Variants in IVD observed in about 807,000 individuals in gnomAD.
IVD encodes the protein isovaleryl-CoA dehydrogenase.
IVD carries 31 observed loss-of-function variants against 51.3 expected under a neutral mutation model. The observed-to-expected ratio is 0.60, with a 90% CI of 0.45 to 0.81. IVD has a LOEUF of 0.81. Among genes scored for constraint, IVD ranks in the 40% least tolerant of loss-of-function variants. The pLI is 0.00. For missense variants in IVD, 475 were observed against 552.0 expected, an observed-to-expected ratio of 0.86 and a Z score of 1.40; for synonymous variants, 205 against 219.4, an observed-to-expected ratio of 0.93 and a Z score of 0.58.
chr15:40,426,263 C>T (rs565423614), downstream of IVD, among the ~76,000 whole-genome samples: 7 of 151,906 alleles, frequency 4.6e-5, no homozygotes, highest in Non-Finnish European at 8.8e-5. Context: ...CCTGGCCAGA[C>T]GCGGTGGCTT....
At position 40,410,730 on chromosome 15, in the gene IVD, C is replaced by G. The variant is rs752715934; in HGVS notation, c.389C>G (p.Ser130Cys). 4.3e-6 allele frequency: 7 copies of G among 1,614,206 alleles called. No individual in the cohort carries two copies. In the South Asian group the frequency reaches 7.7e-5, roughly 18 times the overall value. The change falls in exon 4 of 12, where the codon TCC becomes TGC. Residue 130 changes from serine to cysteine, a missense_variant. By Grantham distance (112) the Ser-to-Cys change is moderately radical (BLOSUM62 -1). Transcript: ENST00000487418. Reference protein sequence around the residue: ...GAVGLSYGAHSNLCINQLVRN... With the variant: ...GAVGLSYGAHCNLCINQLVRN... The stretch of plus-strand genomic sequence containing the variant: ...GTGGGGCTCAGTTACGGTGCCCACT[C>G]CAACCTCTGCATCAACCAGCTTGTA...
intron 6 of IVD, 47 bp from the exon 7 acceptor site, chr15:40,412,944 C>T (rs1459968171): frequency 6.5e-7 from 1 of 1,530,274 alleles, no homozygotes; most frequent in Middle Eastern, 1.7e-4. Context: ...TACCAGGCCC[C>T]CTTGGGGCTA....
At chr15:40,416,687 A>C (rs1891723234) in intron 11 of IVD, among the ~76,000 whole-genome samples, 1 of 152,076 alleles carries the variant, frequency 6.6e-6, no homozygotes, top group Non-Finnish European at 1.5e-5. Flanking sequence ...ACAGAGCGAG[A>C]GGCTGTCTCA....
At chr15:40,422,976 G>A (rs1227653613), downstream of IVD, among the ~76,000 whole-genome samples, 2 of 151,936 alleles carry the variant, frequency 1.3e-5, no homozygotes, top group East Asian at 1.9e-4. Flanking sequence ...GTGCAGTGGC[G>A]TGATCTCAGC....
intron 1 of IVD, 127 bp from the exon 2 acceptor site, chr15:40,407,509 A>G: frequency 5.2e-6 from 4 of 770,414 alleles, no homozygotes. Flanking sequence ...GGAGGCATAA[A>G]CTACTGAGGC....
chr15:40,421,864 C>T (rs180766759), downstream of IVD, among the ~76,000 whole-genome samples: 16 of 152,300 alleles, frequency 1.1e-4, no homozygotes, highest in East Asian at 3.1e-3. Flanking sequence ...GAGTTGCCCT[C>T]GGTGGAATGG....
Position 40,416,089 on chromosome 15 carries a change from G to A in IVD, c.972G>A (p.Gly324=), listed in dbSNP as rs748522492. The A allele has an allele frequency of 4.3e-6, 7 of 1,614,136 alleles. No individual in the cohort carries two copies. The highest frequency in any genetic ancestry group is 1.7e-6 in the Non-Finnish European group (2 of 1,180,048). ...QKIGHFQLMQ[G]KMADMYTRLM... is the part of the protein sequence containing the mutation. ...CCCTTTGTGCCCAGTTGATGCAGGG[G>A]AAGATGGCTGACATGTACACCCGCC... Residue 324 remains glycine, a synonymous_variant, in exon 10 of 12, where the codon GGG becomes GGA. Transcript: ENST00000487418.
chr15:40,435,833 C>G (rs1253861465), downstream of IVD: 5 of 518,840 alleles, frequency 9.6e-6, no homozygotes, highest in Non-Finnish European at 1.2e-5. Flanking sequence ...CGGCTTAGCC[C>G]CTTCTTGGAA....
At chr15:40,411,181 A>G (rs944946993) in intron 4 of IVD, 79 bp from the exon 5 acceptor site, 3 of 1,357,332 alleles carry the variant, frequency 2.2e-6, no homozygotes, top group South Asian at 1.2e-5. Context: ...TTTAATGTGG[A>G]CAGGAAGAGG....
In IVD at chr15:40,420,151, G is replaced by A. The variant is rs529843170; in HGVS notation, c.*1888G>A. Reference sequence around the variant, plus strand: ...AACACACATGCTGCTGAGTCCGCAGGGGGGGCAGAGCAGAGGACAGCGTGC... The same window carrying A: ...AACACACATGCTGCTGAGTCCGCAGAGGGGGCAGAGCAGAGGACAGCGTGC... On this transcript the variant is annotated 3_prime_UTR_variant, in exon 12 of 12. Coordinates refer to ENST00000487418, the MANE Select transcript of IVD (RefSeq NM_002225.5). 2.3e-6 allele frequency: 2 copies of A among 879,960 alleles called. No homozygotes were observed. Among genetic ancestry groups the A allele is most frequent in the Non-Finnish European group, 2.6e-6 (2 of 776,566 alleles). 54.5% of individuals were successfully genotyped at this position (879,960 alleles called of 1,614,324 possible). A position where few individuals can be genotyped will look rare whatever the true frequency, so the allele number is the denominator to read the frequency against.
intron 3 of IVD, among the ~76,000 whole-genome samples, 176 bp from the exon 4 acceptor site, chr15:40,410,452 C>A (rs1283025232): frequency 6.6e-6 from 1 of 152,242 alleles, no homozygotes; most frequent in African/African-American, 2.4e-5. Flanking sequence ...CAGGCAAAAC[C>A]AGTCCACTGA....
chr15:40,416,143 T>C lies in IVD; in HGVS notation c.1026T>C (p.Asn342=), dbSNP rs1401482066. 7.4e-6 allele frequency: 12 copies of C among 1,614,124 alleles called. No individual in the cohort carries two copies. Among genetic ancestry groups the C allele is most frequent in the South Asian group, 3.3e-5 (3 of 91,092 alleles). Residue 342 remains asparagine (N), a synonymous_variant, in exon 10 of 12, where the codon AAT becomes AAC. Transcript: ENST00000487418. ...RLMACRQYVY[N]VAKACDEGHC... ...TGGCGTGTCGGCAGTATGTCTACAA[T>C]GTCGCCAAGGCCTGCGATGAGGGCC...
At chr15:40,406,395 CT>C in intron 1 of IVD, 1 of 1,237,742 alleles carries the variant, frequency 8.1e-7, no homozygotes, top group Non-Finnish European at 1.1e-6. Flanking sequence ...ACCAGGGAGT[CT>C]TTTTTGTATA....
At chr15:40,435,892 C>CCTT, downstream of IVD, 1 of 162,096 alleles carries the variant, frequency 6.2e-6, no homozygotes, top group Non-Finnish European at 1.3e-5. Context: ...ACCCTGGCAG[C>CCTT]CTTCCCTCGT....
intron 3 of IVD, among the ~76,000 whole-genome samples, chr15:40,409,396 G>A (rs567945517): frequency 5.1e-4 from 76 of 149,734 alleles, no homozygotes; most frequent in African/African-American, 1.6e-3. Context: ...GTGAGAGCCC[G>A]CCTCTTGAAA....
At chr15:40,425,031 C>T (rs115555556), downstream of IVD, among the ~76,000 whole-genome samples, 107 of 152,318 alleles carry the variant, frequency 7.0e-4, no homozygotes, top group African/African-American at 2.6e-3. Context: ...CCCTCATCCC[C>T]GTACTCCTCT....
At position 40,420,037 on chromosome 15, in the gene IVD, G is replaced by T. The variant is rs1892144819; in HGVS notation, c.*1774G>T. On this transcript the variant is annotated 3_prime_UTR_variant, in exon 12 of 12. Coordinates refer to ENST00000487418, the MANE Select transcript of IVD (RefSeq NM_002225.5). ...GAGAATCGCTTGAACGCAGGAGGCA[G>T]AGGTTGCAGGAGCTGAGATCGCGCC... The T allele has an allele frequency of 8.0e-6, 5 of 628,848 alleles. No individual in the cohort carries two copies. The highest frequency in any genetic ancestry group is 9.9e-6 in the Non-Finnish European group (5 of 503,826). The allele number at this position is 628,848 out of a possible 1,614,324, so 39.0% of individuals were successfully genotyped here.
intron 3 of IVD, among the ~76,000 whole-genome samples, chr15:40,408,983 T>C (rs964896864): frequency 6.6e-6 from 1 of 152,054 alleles, no homozygotes; most frequent in Non-Finnish European, 1.5e-5. Context: ...GGGCCTGTAT[T>C]CACTCTGGGC....
At chr15:40,427,705 A>G (rs1455295710), downstream of IVD, among the ~76,000 whole-genome samples, 2 of 152,190 alleles carry the variant, frequency 1.3e-5, no homozygotes, top group Non-Finnish European at 2.9e-5. Flanking sequence ...TAACTTTACT[A>G]TAAGATATAT....
Sources: gnomAD v4.1 joint callset for allele counts (sites outside exome capture counted in the v4.1 genomes callset) on GRCh38, gnomAD v4.1.1 for gene constraint, MANE v1.5 for transcripts, NCBI Gene and HGNC (gene_info 2026-07-23, HGNC 2026-07-21) for gene names.